Variants in RUFY3 observed in about 807,000 individuals in gnomAD.
RUFY3 encodes protein RUFY3.
In RUFY3, 34 loss-of-function variants were observed where a neutral mutation model predicts 84.0. The ratio of observed to expected loss-of-function variants is 0.40; its 90% CI spans 0.31 to 0.54. The LOEUF (loss-of-function observed/expected upper bound fraction) is 0.54, where lower values mean the gene tolerates loss of function less well. RUFY3 is among the 20% of genes least tolerant of loss of function. The pLI is 0.39. For missense variants in RUFY3, 507 were observed against 736.8 expected (o/e 0.69, Z 3.61); for synonymous variants, 242 against 252.9 (o/e 0.96, Z 0.41).
Position 70,793,915 on chromosome 4 carries a change from G to A in RUFY3, c.1457+11G>A. On this transcript the variant is annotated intron_variant, in intron 13 of 17. Coordinates refer to ENST00000381006, the MANE Select transcript of RUFY3 (RefSeq NM_001037442.4). Reference sequence around the variant, plus strand: ...GCTCACCAGGCAGCGGTGAAGAGGGGGTAGCTTGAGCTGACAGGGTGGTCA... The same window carrying A: ...GCTCACCAGGCAGCGGTGAAGAGGGAGTAGCTTGAGCTGACAGGGTGGTCA... 3.7e-6 allele frequency: 6 copies of A among 1,613,218 alleles called. No homozygotes were observed. The highest frequency in any genetic ancestry group is 5.1e-6 in the Non-Finnish European group (6 of 1,179,596).
At chr4:70,733,941 T>A (rs1023149369) in intron 1 of RUFY3, among the ~76,000 whole-genome samples, 1 of 152,190 alleles carries the variant, frequency 6.6e-6, no homozygotes, top group Non-Finnish European at 1.5e-5. Context: ...TTTATGAAAA[T>A]TAACGGGTGT....
At chr4:70,720,887 C>CTGTG (rs1742191698), upstream of RUFY3, among the ~76,000 whole-genome samples, 1 of 102,958 alleles carries the variant, frequency 9.7e-6, no homozygotes, top group Non-Finnish European at 2.0e-5. Flanking sequence ...TAATATAGGG[C>CTGTG]CGTGTGTGTG....
chr4:70,725,889 G>C (rs551218980), intron 1 of RUFY3, among the ~76,000 whole-genome samples: 1 of 152,204 alleles, frequency 6.6e-6, no homozygotes, highest in South Asian at 2.1e-4. Context: ...ACAACAGGGA[G>C]CAAGACTGGA....
At chr4:70,758,801 A>C (rs1724484869) in intron 1 of RUFY3, among the ~76,000 whole-genome samples, 1 of 151,998 alleles carries the variant, frequency 6.6e-6, no homozygotes, top group African/African-American at 2.4e-5. Context: ...CACTTGTGGG[A>C]GGCCGAGGCA....
intron 1 of RUFY3, among the ~76,000 whole-genome samples, chr4:70,758,900 G>A (rs772685163): frequency 6.6e-6 from 1 of 151,980 alleles, no homozygotes; most frequent in Admixed American, 6.6e-5. Flanking sequence ...TTAGCCCAGC[G>A]TGGTGTGGGT....
chr4:70,777,231 C>T (rs904159873), intron 7 of RUFY3, among the ~76,000 whole-genome samples: 7 of 152,132 alleles, frequency 4.6e-5, no homozygotes, highest in African/African-American at 1.4e-4. Context: ...ACTGAAACCA[C>T]AGAAAACAAA....
At chr4:70,758,973 G>T (rs1006551080) in intron 1 of RUFY3, among the ~76,000 whole-genome samples, 1 of 152,028 alleles carries the variant, frequency 6.6e-6, no homozygotes, top group African/African-American at 2.4e-5. Flanking sequence ...GGGAGGCGGA[G>T]CTTGCAGTGA....
chr4:70,706,861 T>C (rs1475100757), intron 1 of RUFY3, among the ~76,000 whole-genome samples: 1 of 152,238 alleles, frequency 6.6e-6, no homozygotes, highest in Non-Finnish European at 1.5e-5. Context: ...GCTTTTGTTT[T>C]CTGAGGAATC....
At chr4:70,794,721 G>A (rs924827988) in intron 13 of RUFY3, 74 bp from the exon 14 acceptor site, 6 of 921,140 alleles carry the variant, frequency 6.5e-6, no homozygotes, top group East Asian at 2.4e-5. Context: ...TAAGACAAGG[G>A]GTTGGCATTC....
At position 70,766,041 on chromosome 4, in the gene RUFY3, G is replaced by A. The variant is rs188826912; in HGVS notation, c.572+1465G>A. On this transcript the variant is annotated intron_variant, in intron 4 of 17. Coordinates refer to ENST00000381006, the MANE Select transcript of RUFY3 (RefSeq NM_001037442.4). ...CTCCCAAAGTGCTGGGATTACAGGC[G>A]TGAGCCCAGCCTATTAATATCTTTT... Among the ~76,000 whole-genome samples the A allele has an allele frequency of 1.5e-4, 23 of 152,218 alleles. No individual in the cohort carries two copies. In the East Asian group the frequency reaches 2.1e-3, roughly 14 times the overall value.
chr4:70,781,264 G>A (rs1309809636), intron 8 of RUFY3, among the ~76,000 whole-genome samples: 5 of 152,100 alleles, frequency 3.3e-5, no homozygotes, highest in South Asian at 2.1e-4. Flanking sequence ...CAGGAGGATC[G>A]TTTGAGGCCA....
chr4:70,752,771 A>C (rs888497158), intron 1 of RUFY3, among the ~76,000 whole-genome samples: 29 of 152,186 alleles, frequency 1.9e-4, no homozygotes, highest in African/African-American at 6.8e-4. Context: ...CACTTGGTCC[A>C]GTTATATAAT....
chr4:70,764,661 T>C (rs1725544663), intron 4 of RUFY3, 85 bp downstream of exon 4: 1 of 763,452 alleles, frequency 1.3e-6, no homozygotes. Flanking sequence ...ACTATTTTTG[T>C]AGATCAGAAA....
chr4:70,792,807 G>C (rs1731022381), intron 12 of RUFY3: 1 of 985,182 alleles, frequency 1.0e-6, no homozygotes. Context: ...CATATGTTTA[G>C]ACCAACTTCA....
chr4:70,784,713 T>G (rs1014300347), intron 9 of RUFY3, 83 bp from the exon 10 acceptor site: 2 of 796,484 alleles, frequency 2.5e-6, no homozygotes, highest in African/African-American at 3.6e-5. Context: ...ATGATCTTTT[T>G]TTCTTGCTAA....
intron 13 of RUFY3, 86 bp downstream of exon 13, chr4:70,793,990 G>GC (rs1353228602): frequency 6.8e-7 from 1 of 1,478,036 alleles, no homozygotes; most frequent in African/African-American, 1.4e-5. Flanking sequence ...ATGACTTCCA[G>GC]CCAGGTTGGC....
upstream of RUFY3, among the ~76,000 whole-genome samples, chr4:70,718,565 A>T (rs200769924): frequency 1.1e-4 from 17 of 152,302 alleles, no homozygotes; most frequent in East Asian, 3.1e-3. Context: ...ATCAAATGAG[A>T]AAATAGTTCA....
rs772807723 is a variant in RUFY3 at position 70,722,553 on chromosome 4, TGTG to T, written c.-18_-16del. On this transcript the variant is annotated 5_prime_UTR_variant, in exon 1 of 18. Coordinates refer to ENST00000381006, the MANE Select transcript of RUFY3 (RefSeq NM_001037442.4). ...AGTGTGTGTGTGTCTGTGTGTGTGT[TGTG>T]GTCCCAGCTGAGTCATCATGTCTGC... is the stretch of plus-strand genomic sequence containing the variant. 1.9e-5 allele frequency: 31 copies of T among 1,607,930 alleles called. No individual in the cohort carries two copies. In the African/African-American group the frequency reaches 3.2e-4, roughly 17 times the overall value.
At chr4:70,704,933 G>A in exon 1 of RUFY3, 2 of 1,222,586 alleles carry the variant, frequency 1.6e-6, no homozygotes, top group Non-Finnish European at 2.0e-6. Context: ...AGGAAGGAGT[G>A]AGCATGGCTG....
Sources: allele counts gnomAD v4.1 joint callset (sites outside exome capture counted in the v4.1 genomes callset), GRCh38; gene constraint gnomAD v4.1.1; transcripts MANE v1.5; gene names NCBI Gene and HGNC (gene_info 2026-07-23, HGNC 2026-07-21).